ENAH: variants seen among roughly 807,000 people sequenced by gnomAD.
The protein encoded by ENAH is protein enabled homolog.
ENAH carries 23 observed loss-of-function variants against 78.7 expected under a neutral mutation model. The ratio of observed to expected loss-of-function variants is 0.29; its 90% CI spans 0.21 to 0.41. The LOEUF (loss-of-function observed/expected upper bound fraction) is 0.41. Among genes scored for constraint, ENAH ranks in the 10% least tolerant of loss-of-function variants. ENAH has a pLI of 1.00. For synonymous variants in ENAH, 226 were observed against 241.0 expected, an observed-to-expected ratio of 0.94 and a Z score of 0.58; for missense variants, 544 against 691.0, an observed-to-expected ratio of 0.79 and a Z score of 2.39.
At chr1:225,629,702 C>T (rs1658651957) in intron 1 of ENAH, among the ~76,000 whole-genome samples, 1 of 151,960 alleles carries the variant, frequency 6.6e-6, no homozygotes, top group African/African-American at 2.4e-5. Context: ...GCAGAGTCTG[C>T]AAAAACTCAT....
At chr1:225,618,379 A>C (rs1319640260) in intron 1 of ENAH, among the ~76,000 whole-genome samples, 1 of 152,236 alleles carries the variant, frequency 6.6e-6, no homozygotes, top group Non-Finnish European at 1.5e-5. Flanking sequence ...TCACTTAAAA[A>C]AGAATGGTCA....
chr1:225,534,090 C>T (rs1454121273), intron 3 of ENAH, among the ~76,000 whole-genome samples: 1 of 152,064 alleles, frequency 6.6e-6, no homozygotes, highest in Non-Finnish European at 1.5e-5. Flanking sequence ...TGGACCTCAA[C>T]ATATTAAATA....
rs1337773324 is a variant in ENAH at position 225,492,675 on chromosome 1, C to CT, written c.*5099dup. 1 of 152,180 alleles carries CT rather than the reference C, an allele frequency of 6.6e-6. No individual in the cohort carries two copies. The highest frequency in any genetic ancestry group is 1.5e-5 in the Non-Finnish European group (1 of 68,034). The allele number at this position is 152,180 out of a possible 1,614,324, so 9.4% of individuals were successfully genotyped here. ...GCAAATACTCAAGGCCTACTATGTG[C>CT]TTTAAATGATACTAACACTTCCGTT... On this transcript the variant is annotated 3_prime_UTR_variant, in exon 14 of 14. Coordinates refer to ENST00000366843, the MANE Select transcript of ENAH (RefSeq NM_018212.6).
intron 1 of ENAH, among the ~76,000 whole-genome samples, chr1:225,586,231 G>A (rs2096845510): frequency 1.0e-5 from 1 of 96,548 alleles, no homozygotes; most frequent in Non-Finnish European, 1.9e-5. Context: ...TCCAGCCTGG[G>A]AGACAAGCTC....
intron 2 of ENAH, among the ~76,000 whole-genome samples, chr1:225,556,834 A>G (rs1399985552): frequency 1.3e-5 from 2 of 152,090 alleles, no homozygotes; most frequent in Admixed American, 6.6e-5. Flanking sequence ...TCTATCCCCA[A>G]TCCAACTGGA....
chr1:225,579,682 T>C (rs1285506660), intron 1 of ENAH, among the ~76,000 whole-genome samples: 2 of 152,230 alleles, frequency 1.3e-5, no homozygotes, highest in Non-Finnish European at 2.9e-5. Context: ...ACTTTGTTAC[T>C]ACACAATGTA....
intron 1 of ENAH, among the ~76,000 whole-genome samples, chr1:225,588,615 C>G (rs1449322164): frequency 6.6e-6 from 1 of 152,098 alleles, no homozygotes; most frequent in African/African-American, 2.4e-5. Flanking sequence ...TGAGACCAGC[C>G]TGGCCAACAC....
At chr1:225,606,470 A>G (rs913761295) in intron 1 of ENAH, among the ~76,000 whole-genome samples, 9 of 152,004 alleles carry the variant, frequency 5.9e-5, no homozygotes, top group Non-Finnish European at 1.0e-4. Flanking sequence ...CAAAAAAAAA[A>G]AAAAAGGAAT....
chr1:225,595,809 T>C (rs1014367736), intron 1 of ENAH, among the ~76,000 whole-genome samples: 1 of 152,206 alleles, frequency 6.6e-6, no homozygotes, highest in African/African-American at 2.4e-5. Flanking sequence ...AGTTAATTCA[T>C]GCTAAAGGAG....
chr1:225,498,729 G>A (rs2096263914), intron 12 of ENAH, among the ~76,000 whole-genome samples: 1 of 152,216 alleles, frequency 6.6e-6, no homozygotes, highest in Non-Finnish European at 1.5e-5. Flanking sequence ...AGTCCTCTGG[G>A]AACAGTCTGA....
intron 1 of ENAH, among the ~76,000 whole-genome samples, chr1:225,619,242 G>C (rs1018809150): frequency 3.3e-5 from 5 of 151,944 alleles, no homozygotes; most frequent in Admixed American, 1.3e-4. Context: ...CTAACCTACA[G>C]TTAGCAAAAC....
intron 1 of ENAH, among the ~76,000 whole-genome samples, chr1:225,639,292 A>C (rs1660596743): frequency 6.6e-6 from 1 of 152,220 alleles, no homozygotes; most frequent in Admixed American, 6.5e-5. Context: ...GTAAAAATGT[A>C]CCAAGCTATA....
At chr1:225,583,718 G>A (rs1336988448) in intron 1 of ENAH, among the ~76,000 whole-genome samples, 2 of 151,310 alleles carry the variant, frequency 1.3e-5, no homozygotes, top group African/African-American at 4.9e-5. Context: ...TAAGTCAGGA[G>A]AATCACTTGT....
Position 225,496,705 on chromosome 1 carries a change from A to G in ENAH, c.*1070T>C, listed in dbSNP as rs541367300. 6.5e-6 allele frequency: 1 copy of G among 152,808 alleles called. No individual in the cohort carries two copies. The highest frequency in any genetic ancestry group is 2.1e-4 in the South Asian group (1 of 4,830). 9.5% of individuals were successfully genotyped at this position (152,808 alleles called of 1,614,324 possible). Reference sequence around the variant, plus strand: ...ACTTGGTTTTGTAACATATTTACCAATTAAAGTCACAAAATATTTCTCATT... The same window carrying G: ...ACTTGGTTTTGTAACATATTTACCAGTTAAAGTCACAAAATATTTCTCATT... On this transcript the variant is annotated 3_prime_UTR_variant, in exon 14 of 14. Transcript: ENST00000366843.
At chr1:225,652,200 A>C (rs1487217251) in intron 1 of ENAH, 7 of 368,072 alleles carry the variant, frequency 1.9e-5, no homozygotes, top group Non-Finnish European at 2.3e-5. Flanking sequence ...CCCCTACCAG[A>C]GGCACTTTAT....
In ENAH at chr1:225,489,231, C is replaced by G. The variant is rs987054484; in HGVS notation, c.*8544G>C. 2 of 151,996 alleles carry G rather than the reference C, an allele frequency of 1.3e-5. No homozygotes were observed. Among genetic ancestry groups the G allele is most frequent in the African/African-American group, 2.4e-5 (1 of 41,366 alleles). The allele number at this position is 151,996 out of a possible 1,614,324, so 9.4% of individuals were successfully genotyped here. A position where few individuals can be genotyped will look rare whatever the true frequency, so the allele number is the denominator to read the frequency against. On this transcript the variant is annotated 3_prime_UTR_variant, in exon 14 of 14. Coordinates refer to ENST00000366843, the MANE Select transcript of ENAH (RefSeq NM_018212.6). ...ATTGGAGCATGGATCTCGTGTGGTC[C>G]CATTACATGATTGGAATCAGTCTTT...
chr1:225,611,546 T>G (rs1015589864), intron 1 of ENAH, among the ~76,000 whole-genome samples: 1 of 152,126 alleles, frequency 6.6e-6, no homozygotes, highest in Non-Finnish European at 1.5e-5. Flanking sequence ...CTTGAACTAC[T>G]GACCTCGGGT....
At chr1:225,539,316 G>C (rs2096577855) in intron 3 of ENAH, among the ~76,000 whole-genome samples, 1 of 152,010 alleles carries the variant, frequency 6.6e-6, no homozygotes, top group Non-Finnish European at 1.5e-5. Context: ...ACATCAGTTG[G>C]GGCAGGGAAA....
At chr1:225,633,535 T>A (rs1056481018) in intron 1 of ENAH, among the ~76,000 whole-genome samples, 1 of 152,188 alleles carries the variant, frequency 6.6e-6, no homozygotes, top group Admixed American at 6.5e-5. Flanking sequence ...GCAAGGACTT[T>A]GGAGTTACGC....
Sources: gnomAD v4.1 joint callset for allele counts (sites outside exome capture counted in the v4.1 genomes callset) on GRCh38, gnomAD v4.1.1 for gene constraint, MANE v1.5 for transcripts, NCBI Gene and HGNC (gene_info 2026-07-23, HGNC 2026-07-21) for gene names.